PLCH2: variants seen among roughly 807,000 people sequenced by gnomAD.
PLCH2 encodes the protein 1-phosphatidylinositol 4,5-bisphosphate phosphodiesterase eta-2.
In PLCH2, 98 loss-of-function variants were observed where a neutral mutation model predicts 134.7. The observed-to-expected ratio is 0.73, with a 90% CI of 0.62 to 0.86. PLCH2 has a LOEUF of 0.86. Ranked by LOEUF, PLCH2 falls within the 40% of genes least tolerant of loss-of-function variation. The pLI is 0.00. For synonymous variants in PLCH2, 974 were observed against 827.5 expected (o/e 1.18, Z -3.04); for missense variants, 1,994 against 1,986.6 (o/e 1.00, Z -0.07).
upstream of PLCH2, chr1:2,467,324 T>C (rs2494633): frequency 0.44 from 151,321 of 345,062 alleles, 35,168 homozygotes; most frequent in East Asian, 0.63. Context: ...AGCCCAGGTG[T>C]CCTCCCTTCC....
chr1:2,418,788 G>A, the PLCH2 span, among the ~76,000 whole-genome samples: 7 of 152,196 alleles, frequency 4.6e-5, no homozygotes, highest in African/African-American at 1.4e-4. Context: ...GCTTATGACG[G>A]CCTCTCCTTT....
At chr1:2,434,844 C>T (rs372962630) in intron 2 of PLCH2, among the ~76,000 whole-genome samples, 7 of 152,196 alleles carry the variant, frequency 4.6e-5, no homozygotes, top group Non-Finnish European at 8.8e-5. Context: ...AAACCACCCC[C>T]GGGCAGAATC....
intron 2 of PLCH2, among the ~76,000 whole-genome samples, chr1:2,436,546 CCCTTCCTCCCTCCACCTTTCCT>C (rs1274072984): frequency 1.2e-4 from 3 of 25,622 alleles, no homozygotes; most frequent in Non-Finnish European, 1.9e-4. Flanking sequence ...CCTCCCTCCT[CCCTTCCTCCCTCCACCTTTCCT>C]CCTTCCTCCC....
intron 2 of PLCH2, among the ~76,000 whole-genome samples, chr1:2,446,568 A>T (rs1639952121): frequency 2.0e-5 from 3 of 152,190 alleles, no homozygotes; most frequent in Admixed American, 2.0e-4. Flanking sequence ...ACAGGCGCAC[A>T]TTGGAGGCAG....
upstream of PLCH2, among the ~76,000 whole-genome samples, chr1:2,424,723 C>G (rs974716636): frequency 6.6e-6 from 1 of 152,208 alleles, no homozygotes; most frequent in Non-Finnish European, 1.5e-5. Flanking sequence ...CGCGGTGGCT[C>G]ATGCCTGTAA....
Position 2,487,586 on chromosome 1 carries a change from G to T in PLCH2, c.1115-12G>T. On this transcript the variant is annotated splice_polypyrimidine_tract_variant and intron_variant, in intron 7 of 21. Transcript: ENST00000378486. Reference sequence around the variant, plus strand: ...AGGCCCCTGGGGCTGACCAAGGCCTGCCCGCCTGCAGTGGACTGCTGGGAT... The same window carrying T: ...AGGCCCCTGGGGCTGACCAAGGCCTTCCCGCCTGCAGTGGACTGCTGGGAT... 1 of 1,609,290 alleles carries T rather than the reference G, an allele frequency of 6.2e-7. No homozygotes were observed. The highest frequency in any genetic ancestry group is 8.5e-7 in the Non-Finnish European group (1 of 1,178,182).
In PLCH2 at chr1:2,476,612, C is replaced by T. The variant is rs780467147; in HGVS notation, c.24C>T (p.Pro8=). The T allele has an allele frequency of 1.1e-5, 18 of 1,586,940 alleles. No homozygotes were observed. The highest frequency in any genetic ancestry group is 3.6e-5 in the Admixed American group (2 of 56,060). The change falls in exon 1 of 22, where the codon CCC becomes CCT. Residue 8 remains proline (P), a synonymous_variant. Coordinates refer to ENST00000378486, the MANE Select transcript of PLCH2 (RefSeq NM_014638.4). MSGPWPS[P]DSRTKGTVAW... ...CCATGTCTGGTCCATGGCCCTCCCC[C>T]GACAGCCGGACCAAGGGAACGGTGG...
At chr1:2,461,380 G>C (rs1229472343) in intron 2 of PLCH2, among the ~76,000 whole-genome samples, 1 of 152,208 alleles carries the variant, frequency 6.6e-6, no homozygotes, top group African/African-American at 2.4e-5. Context: ...CAGCAGGGAG[G>C]AGGGAGGCAT....
chr1:2,497,754 C>T (rs567711686), intron 16 of PLCH2, 145 bp downstream of exon 16: 4 of 562,600 alleles, frequency 7.1e-6, no homozygotes, highest in South Asian at 2.3e-5. Flanking sequence ...CAGGTTGGGA[C>T]GAAGCTCCCA....
At chr1:2,450,681 C>T (rs1183560343) in intron 2 of PLCH2, among the ~76,000 whole-genome samples, 2 of 45,004 alleles carry the variant, frequency 4.4e-5, no homozygotes, top group African/African-American at 1.9e-4. Flanking sequence ...CGCCTACCCC[C>T]CTCTCCCCGC....
chr1:2,477,717 G>C (rs553571682), intron 1 of PLCH2, among the ~76,000 whole-genome samples: 32 of 152,326 alleles, frequency 2.1e-4, no homozygotes, highest in African/African-American at 7.7e-4. Context: ...AGGCAGCCTG[G>C]GGGAGGGGAG....
chr1:2,485,340 C>T (rs1364976461), intron 5 of PLCH2, among the ~76,000 whole-genome samples: 1 of 152,224 alleles, frequency 6.6e-6, no homozygotes, highest in Non-Finnish European at 1.5e-5. Flanking sequence ...GCAGGTCCAG[C>T]CAGGCAGCGG....
intron 2 of PLCH2, among the ~76,000 whole-genome samples, chr1:2,445,610 C>T (rs886654538): frequency 3.3e-5 from 5 of 151,886 alleles, no homozygotes; most frequent in Non-Finnish European, 5.9e-5. Flanking sequence ...GCGGCCCCTC[C>T]TGTGGGTGAC....
rs757093200 is a variant in PLCH2, at chr1:2,505,242, T to G, written c.*29T>G. 1.1e-5 allele frequency: 16 copies of G among 1,518,604 alleles called. No homozygotes were observed. The Admixed American group carries it at 1.3e-4, about 13-fold the overall frequency. 94.1% of individuals were successfully genotyped at this position (1,518,604 alleles called of 1,614,324 possible). A position where few individuals can be genotyped will look rare whatever the true frequency, so the allele number is the denominator to read the frequency against. ...TCAGTGGTGGGAACCTGGGCGGCTCTGGAGGCCCAGGGCAGGGGTGGGCGT... is the reference window on the plus strand; with the variant it reads ...TCAGTGGTGGGAACCTGGGCGGCTCGGGAGGCCCAGGGCAGGGGTGGGCGT... On this transcript the variant is annotated 3_prime_UTR_variant, in exon 22 of 22. Coordinates refer to ENST00000378486, the MANE Select transcript of PLCH2 (RefSeq NM_014638.4).
chr1:2,503,361 A>C, intron 21 of PLCH2: 1 of 577,172 alleles, frequency 1.7e-6, no homozygotes, highest in Non-Finnish European at 3.1e-6. Flanking sequence ...CCTACTGGGA[A>C]GTCTGATGTG....
At chr1:2,446,776 G>A (rs1251721507) in intron 2 of PLCH2, among the ~76,000 whole-genome samples, 14 of 152,136 alleles carry the variant, frequency 9.2e-5, no homozygotes, top group Admixed American at 5.2e-4. Flanking sequence ...CAGAGGGGTC[G>A]GGGCCTGCAG....
rs764625474 is a variant in PLCH2, at chr1:2,480,287, G to T, written c.620G>T (p.Arg207Leu). ...LLHKLNVNLPRQRVKQMFREA... is the reference protein window; with the variant it reads ...LLHKLNVNLPLQRVKQMFREA... ...CACAAGCTCAACGTGAACCTGCCCCGGCAGAGGGTGAAGCAGATGTTCAGG... is the reference window on the plus strand; with the variant it reads ...CACAAGCTCAACGTGAACCTGCCCCTGCAGAGGGTGAAGCAGATGTTCAGG... Residue 207 changes from arginine (R) to leucine (L), a missense_variant, in exon 4 of 22, where the codon CGG becomes CTG. This residue lies in a region of PLCH2 where 1,094 missense variants were observed against 1,234.3 expected (regional missense o/e 0.89). Coordinates refer to ENST00000378486, the MANE Select transcript of PLCH2 (RefSeq NM_014638.4). 6.2e-7 allele frequency: 1 copy of T among 1,612,632 alleles called. No homozygotes were observed. The highest frequency in any genetic ancestry group is 8.5e-7 in the Non-Finnish European group (1 of 1,179,778).
In PLCH2 at chr1:2,487,386, G is replaced by A; in HGVS notation, c.1114+10G>A. The A allele has an allele frequency of 6.2e-7, 1 of 1,608,804 alleles. No individual in the cohort carries two copies. The highest frequency in any genetic ancestry group is 2.2e-5 in the East Asian group (1 of 44,822). ...TGCCGCTGCGTGGAGGGTAAGCCCT[G>A]GACCTTGGGTGACGGCCGTGGGCTG... On this transcript the variant is annotated intron_variant, in intron 7 of 21. Transcript: ENST00000378486.
intron 21 of PLCH2, 23 bp downstream of exon 21, chr1:2,502,432 AGAG>A: frequency 6.5e-7 from 1 of 1,543,458 alleles, no homozygotes; most frequent in Non-Finnish European, 8.7e-7. Context: ...CTGCGGTGGC[AGAG>A]AAGAGCCCTG....
Sources: allele counts gnomAD v4.1 joint callset (sites outside exome capture counted in the v4.1 genomes callset), GRCh38; gene constraint gnomAD v4.1.1; regional missense constraint gnomAD v4.1.1; transcripts MANE v1.5; gene names NCBI Gene and HGNC (gene_info 2026-07-23, HGNC 2026-07-21).